The following HIVEP3 variants were observed in gnomAD, a reference collection of about 807,000 sequenced individuals.
HIVEP3 encodes transcription factor HIVEP3.
Under a neutral mutation model 152.8 loss-of-function variants are expected in HIVEP3, and 49 were observed. The ratio of observed to expected loss-of-function variants is 0.32; its 90% CI spans 0.26 to 0.41. The LOEUF (loss-of-function observed/expected upper bound fraction) is 0.41, where lower values mean the gene tolerates loss of function less well. Among genes scored for constraint, HIVEP3 ranks in the 10% least tolerant of loss-of-function variants. The pLI is 1.00. For synonymous variants in HIVEP3, 1,269 were observed against 1,289.0 expected (o/e 0.98, Z 0.33); for missense variants, 2,790 against 3,103.3 (o/e 0.90, Z 2.40).
chr1:41,772,882 G>C (rs1648467405), intron 1 of HIVEP3, among the ~76,000 whole-genome samples: 2 of 152,096 alleles, frequency 1.3e-5, no homozygotes, highest in South Asian at 2.1e-4. Flanking sequence ...CTCCAACCGG[G>C]GTGACAGAGT....
intron 1 of HIVEP3, among the ~76,000 whole-genome samples, chr1:41,833,372 T>C (rs904699814): frequency 3.3e-5 from 5 of 152,172 alleles, no homozygotes; most frequent in African/African-American, 9.7e-5. Context: ...GGGCTGGTTT[T>C]TGAGGTCTTG....
chr1:41,514,685 T>G (rs534800867), intron 7 of HIVEP3, among the ~76,000 whole-genome samples: 1 of 152,226 alleles, frequency 6.6e-6, no homozygotes, highest in Non-Finnish European at 1.5e-5. Flanking sequence ...TACATGTGGC[T>G]GAATGCCCAC....
At chr1:41,628,527 A>T (rs1448544594) in intron 3 of HIVEP3, among the ~76,000 whole-genome samples, 1 of 152,346 alleles carries the variant, frequency 6.6e-6, no homozygotes, top group East Asian at 1.9e-4. Context: ...CATGGGAGAC[A>T]GCATGGGAAG....
At chr1:41,817,383 A>G (rs1642439817) in intron 1 of HIVEP3, among the ~76,000 whole-genome samples, 1 of 152,150 alleles carries the variant, frequency 6.6e-6, no homozygotes, top group Non-Finnish European at 1.5e-5. Flanking sequence ...ACAGCAGGGA[A>G]AAAAGGATGG....
At chr1:41,632,759 G>GA (rs111735790) in intron 2 of HIVEP3, among the ~76,000 whole-genome samples, 25 of 145,308 alleles carry the variant, frequency 1.7e-4, no homozygotes, top group African/African-American at 5.1e-4. Flanking sequence ...CCAACTCAAA[G>GA]AAAAAAAAAA....
chr1:42,003,768 G>A lies in HIVEP3; in HGVS notation n.119+32039C>T, dbSNP rs190004400. 7.2e-4 allele frequency among the ~76,000 whole-genome samples: 109 copies of A among 150,420 alleles called. 1 individual carries two copies. The East Asian group carries it at 0.02, about 27-fold the overall frequency. On this transcript the variant is annotated intron_variant and non_coding_transcript_variant, in intron 1 of 3. Coordinates refer to the HIVEP3 transcript ENST00000489103. ...GGAGGTAAAGGGGCCAAGTCAATAG[G>A]CAAATGTCTTTTTAGGGCAAAAAAA...
chr1:41,916,406 G>C (rs1644872164), intron 1 of HIVEP3, among the ~76,000 whole-genome samples: 1 of 152,150 alleles, frequency 6.6e-6, no homozygotes, highest in African/African-American at 2.4e-5. Context: ...TAACAAATCT[G>C]CCCAACAGCC....
In HIVEP3 at chr1:41,533,790, C is replaced by G. The variant is rs1371841647; in HGVS notation, c.5208-8880G>C. 2.0e-5 allele frequency among the ~76,000 whole-genome samples: 3 copies of G among 151,994 alleles called. No homozygotes were observed. Among genetic ancestry groups the G allele is most frequent in the Non-Finnish European group, 4.4e-5 (3 of 68,010 alleles). On this transcript the variant is annotated intron_variant, in intron 5 of 8. Transcript: ENST00000372583. This position sits in a 1 kb window ranked among gnomAD's most constrained non-coding sequence, Gnocchi z 4.3. ...ACCCTCCACCTGGGTGCTGATGGCC[C>G]CCAGCCACTTCTCTCTCGAGTTCCG...
intron 6 of HIVEP3, among the ~76,000 whole-genome samples, chr1:41,524,492 G>A (rs1466846128): frequency 6.6e-6 from 1 of 152,166 alleles, no homozygotes; most frequent in South Asian, 2.1e-4. Context: ...GGGCCGGGTG[G>A]CCACAGGTGC....
At chr1:41,792,455 G>A (rs998686556) in intron 1 of HIVEP3, among the ~76,000 whole-genome samples, 1 of 152,232 alleles carries the variant, frequency 6.6e-6, no homozygotes, top group Non-Finnish European at 1.5e-5. Context: ...TGGTGGTGCT[G>A]CCTGTCACCA....
intron 1 of HIVEP3, among the ~76,000 whole-genome samples, chr1:42,020,811 G>A (rs1332601430): frequency 6.6e-6 from 1 of 152,178 alleles, no homozygotes; most frequent in African/African-American, 2.4e-5. Context: ...AAAGGTTAGG[G>A]TCTGGGGAGG....
rs138159526 is a variant in HIVEP3, at chr1:41,807,213, C to A, written c.-800-106218G>T. Among the ~76,000 whole-genome samples the A allele has an allele frequency of 3.3e-3, 497 of 152,340 alleles. 3 individuals carry two copies. Among genetic ancestry groups the A allele is most frequent in the African/African-American group, 0.011 (477 of 41,576 alleles). Reference sequence around the variant, plus strand: ...TGCTGCTGCAGGGCCGGCATGCCCCCTCCTCACCCTCACGGGGAGGGCCCC... The same window carrying A: ...TGCTGCTGCAGGGCCGGCATGCCCCATCCTCACCCTCACGGGGAGGGCCCC... On this transcript the variant is annotated intron_variant, in intron 1 of 8. Transcript: ENST00000372583.
intron 1 of HIVEP3, among the ~76,000 whole-genome samples, chr1:41,830,352 GA>G (rs1295807739): frequency 6.6e-6 from 1 of 152,236 alleles, no homozygotes. Flanking sequence ...TAAGACAGGA[GA>G]AAGGTGTTTT....
intron 1 of HIVEP3, among the ~76,000 whole-genome samples, chr1:41,824,545 C>T (rs1642701187): frequency 6.6e-6 from 1 of 151,822 alleles, no homozygotes; most frequent in African/African-American, 2.4e-5. Flanking sequence ...CTGACAACCT[C>T]AACAACCCAG....
chr1:41,887,819 C>G (rs191923142), intron 1 of HIVEP3, among the ~76,000 whole-genome samples: 2 of 152,250 alleles, frequency 1.3e-5, no homozygotes, highest in Admixed American at 6.5e-5. Context: ...GTCACATTCC[C>G]TAAACTTGCA....
chr1:41,674,149 G>A lies in HIVEP3; in HGVS notation c.-721+26767C>T, dbSNP rs571698091. 4.6e-5 allele frequency among the ~76,000 whole-genome samples: 7 copies of A among 152,348 alleles called. No homozygotes were observed. In the South Asian group the frequency reaches 6.2e-4, roughly 14 times the overall value. ...TGAATGTCACCCAGACATAATCCCCGTGTCGGGAAAGCTGGCCCTGAGTCT... is the reference window on the plus strand; with the variant it reads ...TGAATGTCACCCAGACATAATCCCCATGTCGGGAAAGCTGGCCCTGAGTCT... On this transcript the variant is annotated intron_variant, in intron 2 of 8. Transcript: ENST00000372583.
chr1:41,674,946 C>A (rs1279708879), intron 2 of HIVEP3, among the ~76,000 whole-genome samples: 1 of 152,144 alleles, frequency 6.6e-6, no homozygotes, highest in Non-Finnish European at 1.5e-5. Context: ...CAGGTCCCAT[C>A]CTCTGCACCC....
At chr1:41,980,854 T>G (rs1044907736) in intron 1 of HIVEP3, among the ~76,000 whole-genome samples, 1 of 152,196 alleles carries the variant, frequency 6.6e-6, no homozygotes, top group East Asian at 1.9e-4. Context: ...ATAAATCCCT[T>G]GACAGACAAT....
intron 2 of HIVEP3, among the ~76,000 whole-genome samples, chr1:41,630,948 A>T (rs931470836): frequency 6.6e-6 from 1 of 152,244 alleles, no homozygotes; most frequent in Non-Finnish European, 1.5e-5. Flanking sequence ...AAATCACAAA[A>T]TAAAACAGGC....
Sources: allele counts gnomAD v4.1 joint callset (sites outside exome capture counted in the v4.1 genomes callset), GRCh38; gene constraint gnomAD v4.1.1; non-coding constraint Gnocchi (gnomAD v3.1); transcripts MANE v1.5; gene names NCBI Gene and HGNC (gene_info 2026-07-23, HGNC 2026-07-21).